Variants in PLEKHD1 observed in about 807,000 individuals in gnomAD.
The protein encoded by PLEKHD1 is pleckstrin homology domain-containing family D member 1.
A neutral mutation model predicts 69.2 loss-of-function variants in PLEKHD1; 51 were observed. The ratio of observed to expected loss-of-function variants is 0.74; its 90% confidence interval spans 0.59 to 0.93. The LOEUF (loss-of-function observed/expected upper bound fraction) is 0.93, where lower values mean the gene tolerates loss of function less well. Among genes scored for constraint, PLEKHD1 ranks in the 40% least tolerant of loss-of-function variants. The probability of loss-of-function intolerance (pLI) is 0.00; values close to 1 mark genes in which losing one functional copy is unlikely to be tolerated. For synonymous variants in PLEKHD1, 236 were observed against 244.7 expected, an observed-to-expected ratio of 0.96 and a Z score of 0.33; for missense variants, 584 against 641.0, an observed-to-expected ratio of 0.91 and a Z score of 0.96.
intron 1 of PLEKHD1, among the ~76,000 whole-genome samples, chr14:69,485,978 G>A (rs920011562): frequency 6.6e-6 from 1 of 152,262 alleles, no homozygotes; most frequent in Non-Finnish European, 1.5e-5. Flanking sequence ...CCCTGGACTT[G>A]CAGGAAGCTC....
chr14:69,496,435 T>C (rs1165961711), intron 1 of PLEKHD1, among the ~76,000 whole-genome samples: 4 of 152,252 alleles, frequency 2.6e-5, no homozygotes, highest in Non-Finnish European at 5.9e-5. Flanking sequence ...GGTCAGGTTC[T>C]GATGAGGGCA....
intron 1 of PLEKHD1, among the ~76,000 whole-genome samples, chr14:69,495,150 C>T (rs1285133769): frequency 6.6e-6 from 1 of 152,216 alleles, no homozygotes; most frequent in Non-Finnish European, 1.5e-5. Flanking sequence ...CCCTGCCCCT[C>T]TTTATGCTGT....
Position 69,526,034 on chromosome 14 carries a change from C to T in PLEKHD1, c.835C>T (p.Pro279Ser), listed in dbSNP as rs1239572571. The change falls in exon 9 of 13, where the codon CCT (proline) becomes TCT (serine). Residue 279 changes from proline to serine, a missense_variant. By Grantham distance (74) the Pro-to-Ser change is moderately conservative. Transcript: ENST00000322564. ...QTLANQSEQP[P>S]PSGGLHSNLR... ...ACTGGCCAATCAGAGTGAGCAGCCCCCTCCCAGTGGGGGCCTCCATAGCAA... is the reference window on the plus strand; with the variant it reads ...ACTGGCCAATCAGAGTGAGCAGCCCTCTCCCAGTGGGGGCCTCCATAGCAA... 6.4e-7 allele frequency: 1 copy of T among 1,551,662 alleles called. No individual in the cohort carries two copies. The highest frequency in any genetic ancestry group is 2.0e-5 in the Admixed American group (1 of 51,008).
chr14:69,474,308 A>G, the PLEKHD1 span, among the ~76,000 whole-genome samples: 2 of 152,010 alleles, frequency 1.3e-5, no homozygotes, highest in East Asian at 1.9e-4. Flanking sequence ...AGAAACCCAG[A>G]CCCCCACCAA....
chr14:69,494,511 G>C (rs1309343622), intron 1 of PLEKHD1, among the ~76,000 whole-genome samples: 1 of 152,106 alleles, frequency 6.6e-6, no homozygotes, highest in Non-Finnish European at 1.5e-5. Flanking sequence ...TTGCCTCTAA[G>C]CCTCAGTTTC....
chr14:69,526,156 A>G (rs8004574), intron 9 of PLEKHD1, 34 bp downstream of exon 9: 1,454,988 of 1,524,778 alleles, frequency 0.95, 695,124 homozygotes, highest in Admixed American at 0.97. Flanking sequence ...GACACCATTG[A>G]CTTTGGGGTC....
At chr14:69,517,460 A>G (rs1437335994) in intron 6 of PLEKHD1, among the ~76,000 whole-genome samples, 1 of 151,260 alleles carries the variant, frequency 6.6e-6, no homozygotes, top group Non-Finnish European at 1.5e-5. Context: ...TGGCAAATGA[A>G]GCAGGGAGGG....
chr14:69,509,031 G>T (rs1048309360), intron 6 of PLEKHD1, among the ~76,000 whole-genome samples: 1 of 151,978 alleles, frequency 6.6e-6, no homozygotes, highest in African/African-American at 2.4e-5. Flanking sequence ...TGGCCTTTTC[G>T]GCTCCCAACA....
chr14:69,489,558 C>CAAAAAAAAAAA (rs1166429791), intron 1 of PLEKHD1, among the ~76,000 whole-genome samples: 2 of 59,874 alleles, frequency 3.3e-5, no homozygotes, highest in African/African-American at 7.1e-5. Context: ...TACTCCATCT[C>CAAAAAAAAAAA]AAAAAAAAAA....
chr14:69,502,633 G>T lies in PLEKHD1; in HGVS notation c.503-194G>T, dbSNP rs988890231. ...ATAACCCTAGGAAAAGAAAAAGCAG[G>T]ATGATGATGGGGGAAGGAGGGTGGC... On this transcript the variant is annotated intron_variant, in intron 5 of 12. Transcript: ENST00000322564. 9.7e-6 allele frequency: 6 copies of T among 615,858 alleles called. No homozygotes were observed. The African/African-American group carries it at 1.2e-4, about 12-fold the overall frequency. The allele number at this position is 615,858 out of a possible 1,614,324, so 38.1% of individuals were successfully genotyped here. A position where few individuals can be genotyped will look rare whatever the true frequency, so the allele number is the denominator to read the frequency against.
At chr14:69,509,348 T>G (rs1171715945) in intron 6 of PLEKHD1, among the ~76,000 whole-genome samples, 2 of 152,224 alleles carry the variant, frequency 1.3e-5, no homozygotes, top group African/African-American at 4.8e-5. Flanking sequence ...GGAATAAAAT[T>G]TTAATTTTAA....
intron 7 of PLEKHD1, 22 bp downstream of exon 7, chr14:69,522,399 T>G (rs866196446): frequency 6.5e-7 from 1 of 1,550,292 alleles, no homozygotes; most frequent in Non-Finnish European, 8.7e-7. Context: ...GCCTGGGAAT[T>G]GGGGGTGCCA....
chr14:69,483,299 G>C (rs1313893111), upstream of PLEKHD1, among the ~76,000 whole-genome samples: 1 of 151,900 alleles, frequency 6.6e-6, no homozygotes, highest in East Asian at 1.9e-4. Context: ...GGGAGATCTA[G>C]CATGGCCTTG....
chr14:69,528,249 G>A lies in PLEKHD1; in HGVS notation c.1352-1G>A. The A allele has an allele frequency of 6.4e-7, 1 of 1,551,680 alleles. No individual in the cohort carries two copies. Among genetic ancestry groups the A allele is most frequent in the Non-Finnish European group, 8.7e-7 (1 of 1,146,990 alleles). On this transcript the variant is annotated splice_acceptor_variant, in intron 12 of 12. Coordinates refer to ENST00000322564, the MANE Select transcript of PLEKHD1 (RefSeq NM_001161498.2). LOFTEE classifies it high-confidence loss of function. Reference sequence around the variant, plus strand: ...GGGCTGTTGGGCTCCTGTTTCCCCAGTGAAGCCGTCCCAGTCCTTCATGAC... The same window carrying A: ...GGGCTGTTGGGCTCCTGTTTCCCCAATGAAGCCGTCCCAGTCCTTCATGAC...
rs529578929 is a variant in PLEKHD1, at chr14:69,501,772, A to T, written c.449A>T (p.Lys150Ile). 27 of 1,551,636 alleles carry T rather than the reference A, an allele frequency of 1.7e-5. 1 individual carries two copies. In the South Asian group the frequency reaches 3.2e-4, roughly 18 times the overall value. The change falls in exon 5 of 13, where the codon AAA becomes ATA. Residue 150 changes from lysine (K) to isoleucine (I), a missense_variant. Physicochemically the swap from Lys to Ile is moderately radical, Grantham distance 102. Transcript: ENST00000322564. The stretch of plus-strand genomic sequence containing the variant: ...GCCCAGCTGGGAGAAGCCATGATCA[A>T]AAGCCTGGAGGCCCAGGGGCTGCAG... ...KNAQLGEAMI[K>I]SLEAQGLQLA...
At chr14:69,505,478 T>G (rs1251751964) in intron 6 of PLEKHD1, among the ~76,000 whole-genome samples, 2 of 152,200 alleles carry the variant, frequency 1.3e-5, no homozygotes, top group African/African-American at 4.8e-5. Context: ...TTCTGCTGAT[T>G]GCTGTGGTCT....
Position 69,494,927 on chromosome 14 carries a change from T to C in PLEKHD1, c.150-5188T>C, listed in dbSNP as rs537581323. ...TTTGCTTGCCAGGTGAGCCCTCCGT[T>C]GGGCCGAACTCATTCCTGCCTGCCA... is the stretch of plus-strand genomic sequence containing the variant. On this transcript the variant is annotated intron_variant, in intron 1 of 12. Coordinates refer to ENST00000322564, the MANE Select transcript of PLEKHD1 (RefSeq NM_001161498.2). 8.5e-5 allele frequency among the ~76,000 whole-genome samples: 13 copies of C among 152,280 alleles called. No individual in the cohort carries two copies. In the East Asian group the frequency reaches 2.3e-3, roughly 27 times the overall value.
In PLEKHD1 at chr14:69,527,928, T is replaced by G; in HGVS notation, c.1347T>G (p.Asn449Lys). 1 of 1,551,520 alleles carries G rather than the reference T, an allele frequency of 6.4e-7. No homozygotes were observed. Among genetic ancestry groups the G allele is most frequent in the Non-Finnish European group, 8.7e-7 (1 of 1,146,996 alleles). ...GACGCCGGTCCAGCACCTCCTGGAATGACAGTGAGTGTGGCTGTCTGCGTG... is the reference window on the plus strand; with the variant it reads ...GACGCCGGTCCAGCACCTCCTGGAAGGACAGTGAGTGTGGCTGTCTGCGTG... ...FHRRRSSTSW[N>K]DMKPSQSFMT... Residue 449 changes from asparagine (N) to lysine (K), a missense_variant, in exon 12 of 13, where the codon AAT (asparagine) becomes AAG (lysine). Coordinates refer to ENST00000322564, the MANE Select transcript of PLEKHD1 (RefSeq NM_001161498.2).
intron 1 of PLEKHD1, among the ~76,000 whole-genome samples, chr14:69,487,458 G>A (rs73281410): frequency 1.5e-3 from 224 of 152,344 alleles, no homozygotes; most frequent in African/African-American, 5.2e-3. Context: ...TCAATGCCCT[G>A]GCTGGAGCAG....
Sources: gnomAD v4.1 joint callset for allele counts (sites outside exome capture counted in the v4.1 genomes callset) on GRCh38, gnomAD v4.1.1 for gene constraint, MANE v1.5 for transcripts, NCBI Gene and HGNC (gene_info 2026-07-23, HGNC 2026-07-21) for gene names.